The following DAG1 variants were observed in gnomAD, a reference collection of about 807,000 sequenced individuals.
DAG1 encodes the protein dystroglycan 1.
Under a neutral mutation model 46.1 loss-of-function variants are expected in DAG1, and 8 were observed. The observed-to-expected ratio is 0.17, with a 90% confidence interval of 0.10 to 0.31. DAG1 has a LOEUF of 0.31. Ranked by LOEUF, DAG1 falls within the 10% of genes least tolerant of loss-of-function variation. The pLI, the probability that DAG1 is intolerant of heterozygous loss-of-function variation, is 1.00. For missense variants in DAG1, 1,003 were observed against 1,189.9 expected, an observed-to-expected ratio of 0.84 and a Z score of 2.31; for synonymous variants, 495 against 481.8, an observed-to-expected ratio of 1.03 and a Z score of -0.36.
Position 49,535,288 on chromosome 3 carries a change from C to T in DAG1, c.*2089C>T, listed in dbSNP as rs974535756. 4 of 152,658 alleles carry T rather than the reference C, an allele frequency of 2.6e-5. No individual in the cohort carries two copies. The highest frequency in any genetic ancestry group is 9.6e-5 in the African/African-American group (4 of 41,478). The allele number at this position is 152,658 out of a possible 1,614,324, so 9.5% of individuals were successfully genotyped here. ...TGAGGGCTTTGAAAGGCCTTCCAAA[C>T]AGCTCCGTCGCCCCTAGCAACTCCA... On this transcript the variant is annotated 3_prime_UTR_variant, in exon 3 of 3. Transcript: ENST00000308775.
At chr3:49,478,476 G>A (rs1235928664) in intron 1 of DAG1, among the ~76,000 whole-genome samples, 2 of 142,364 alleles carry the variant, frequency 1.4e-5, no homozygotes, top group Non-Finnish European at 3.0e-5. Flanking sequence ...GTGGTGGCAC[G>A]TTCCCTAGGT....
chr3:49,482,195 C>T (rs1437079971), intron 1 of DAG1, among the ~76,000 whole-genome samples: 5 of 152,264 alleles, frequency 3.3e-5, no homozygotes, highest in Admixed American at 2.0e-4. Flanking sequence ...GGACACAGTG[C>T]ATTGCGGAAA....
In DAG1 at chr3:49,532,743, C is replaced by T; in HGVS notation, c.2232C>T (p.Ser744=). 5.0e-6 allele frequency: 8 copies of T among 1,614,156 alleles called. No homozygotes were observed. The highest frequency in any genetic ancestry group is 5.1e-6 in the Non-Finnish European group (6 of 1,180,046). The part of the protein sequence containing the change: ...TEVPDRDPEK[S]SEDDVYLHTV... ...TGCCTGACAGGGACCCTGAGAAGAGCAGTGAGGATGATGTCTACCTGCACA... is the reference window on the plus strand; with the variant it reads ...TGCCTGACAGGGACCCTGAGAAGAGTAGTGAGGATGATGTCTACCTGCACA... Residue 744 remains serine, a synonymous_variant, in exon 3 of 3, where the codon AGC becomes AGT. Transcript: ENST00000308775. This position sits in a 1 kb window ranked among gnomAD's most constrained non-coding sequence, Gnocchi z 5.4.
At chr3:49,486,252 T>A (rs1030788355) in intron 1 of DAG1, among the ~76,000 whole-genome samples, 9 of 151,984 alleles carry the variant, frequency 5.9e-5, no homozygotes, top group Non-Finnish European at 8.8e-5. Context: ...GGAGTCTTGC[T>A]CTGTCGCCCA....
At chr3:49,524,786 C>G (rs73074821) in intron 2 of DAG1, among the ~76,000 whole-genome samples, 5,060 of 151,998 alleles carry the variant, frequency 0.033, 113 homozygotes, top group Non-Finnish European at 0.05. Flanking sequence ...AGTTTAAAGC[C>G]AGTCTGGGCA....
intron 1 of DAG1, among the ~76,000 whole-genome samples, chr3:49,487,660 G>A (rs1190565914): frequency 7.8e-6 from 1 of 127,956 alleles, no homozygotes; most frequent in East Asian, 2.1e-4. Flanking sequence ...CTACATATTT[G>A]TTATTATTTG....
chr3:49,505,302 A>G (rs530900718), intron 1 of DAG1, among the ~76,000 whole-genome samples: 21 of 151,536 alleles, frequency 1.4e-4, no homozygotes, highest in African/African-American at 4.4e-4. Context: ...TTTAATTACT[A>G]TGTTGCCAAG....
chr3:49,475,886 A>AT (rs1363015017), intron 1 of DAG1, among the ~76,000 whole-genome samples: 4 of 151,496 alleles, frequency 2.6e-5, no homozygotes, highest in African/African-American at 7.3e-5. Context: ...GTATATATAT[A>AT]TTTTTTGTAT....
At chr3:49,488,461 T>TG (rs2050094990) in intron 1 of DAG1, among the ~76,000 whole-genome samples, 1 of 152,136 alleles carries the variant, frequency 6.6e-6, no homozygotes, top group Non-Finnish European at 1.5e-5. Flanking sequence ...CAAGGATGAG[T>TG]GTGAGAACAC....
At chr3:49,486,888 TTTTGTTTTGC>T (rs1197297511) in intron 1 of DAG1, among the ~76,000 whole-genome samples, 1 of 152,122 alleles carries the variant, frequency 6.6e-6, no homozygotes, top group Non-Finnish European at 1.5e-5. Context: ...TTTTTGTTTG[TTTTGTTTTGC>T]TTTGTTTTTG....
chr3:49,524,788 G>A lies in DAG1; in HGVS notation c.286-6009G>A, dbSNP rs138702800. Among the ~76,000 whole-genome samples the A allele has an allele frequency of 3.3e-5, 5 of 152,056 alleles. No individual in the cohort carries two copies. The East Asian group carries it at 9.7e-4, about 29-fold the overall frequency. On this transcript the variant is annotated intron_variant, in intron 2 of 2. Coordinates refer to ENST00000308775, the MANE Select transcript of DAG1 (RefSeq NM_004393.6). ...GCTTGAGCCCAGAAGTTTAAAGCCA[G>A]TCTGGGCAATATAATGAGACCCTGT...
chr3:49,478,533 T>TTG (rs1559546592), intron 1 of DAG1, among the ~76,000 whole-genome samples: 1 of 125,528 alleles, frequency 8.0e-6, no homozygotes, highest in East Asian at 2.0e-4. Context: ...AAGAGTTTTT[T>TTG]TTTTTTTTTT....
chr3:49,512,241 C>T (rs12488065), intron 2 of DAG1, among the ~76,000 whole-genome samples: 66,448 of 151,572 alleles, frequency 0.44, 15,861 homozygotes, highest in East Asian at 0.93. Context: ...TCGCTCTTGT[C>T]GCCCAGGCTG....
intron 1 of DAG1, among the ~76,000 whole-genome samples, chr3:49,503,073 G>C (rs867951352): frequency 6.6e-6 from 1 of 152,118 alleles, no homozygotes; most frequent in African/African-American, 2.4e-5. Context: ...TAACTTTCCA[G>C]TGTTGCAGTG....
At position 49,480,621 on chromosome 3, in the gene DAG1, C is replaced by T. The variant is rs1306292312; in HGVS notation, c.-117+10188C>T. 2.1e-5 allele frequency among the ~76,000 whole-genome samples: 3 copies of T among 144,474 alleles called. 1 individual carries two copies. The highest frequency in any genetic ancestry group is 4.8e-5 in the Non-Finnish European group (3 of 63,118). The allele number at this position is 144,474 out of a possible 152,430, so 94.8% of individuals were successfully genotyped here. On this transcript the variant is annotated intron_variant, in intron 1 of 2. Transcript: ENST00000308775. ...ATAACATTTCTAATGGTTAATCTGT[C>T]CCTAATTCTTAGACAGTTTGGTTCT...
At chr3:49,523,454 C>T (rs1041869923) in intron 2 of DAG1, among the ~76,000 whole-genome samples, 1 of 152,188 alleles carries the variant, frequency 6.6e-6, no homozygotes, top group Non-Finnish European at 1.5e-5. Flanking sequence ...CCACTTCCCC[C>T]ATGCCCCTTA....
intron 2 of DAG1, among the ~76,000 whole-genome samples, chr3:49,514,862 T>C (rs7637665): frequency 0.43 from 64,705 of 150,878 alleles, 15,287 homozygotes; most frequent in East Asian, 0.93. Context: ...CACACACACA[T>C]ATATATATAT....
intron 1 of DAG1, among the ~76,000 whole-genome samples, chr3:49,478,273 CAAA>C (rs71278644): frequency 5.6e-5 from 5 of 90,000 alleles, no homozygotes; most frequent in Admixed American, 1.2e-4. Flanking sequence ...GACTCTGTCT[CAAA>C]AAAAAAAAAA....
At chr3:49,524,970 C>T (rs2051127834) in intron 2 of DAG1, among the ~76,000 whole-genome samples, 1 of 152,072 alleles carries the variant, frequency 6.6e-6, no homozygotes, top group Non-Finnish European at 1.5e-5. Flanking sequence ...GAGTGAGACC[C>T]TTATATATAC....
Sources: gnomAD v4.1 joint callset for allele counts (sites outside exome capture counted in the v4.1 genomes callset) on GRCh38, gnomAD v4.1.1 for gene constraint, Gnocchi (gnomAD v3.1) non-coding constraint, MANE v1.5 for transcripts, NCBI Gene and HGNC (gene_info 2026-07-23, HGNC 2026-07-21) for gene names.